Variants in FGF14 observed in about 807,000 individuals in gnomAD.
The protein encoded by FGF14 is fibroblast growth factor 14.
In FGF14, 5 loss-of-function variants were observed where a neutral mutation model predicts 25.5. The ratio of observed to expected loss-of-function variants is 0.20; its 90% confidence interval spans 0.10 to 0.41. FGF14 has a LOEUF of 0.41. FGF14 is among the 10% of genes least tolerant of loss of function. The pLI is 1.00. For synonymous variants in FGF14, 138 were observed against 118.3 expected (o/e 1.17, Z -1.08); for missense variants, 222 against 320.1 (o/e 0.69, Z 2.34).
chr13:102,171,517 A>C (rs1175798976), intron 1 of FGF14, among the ~76,000 whole-genome samples: 1 of 152,162 alleles, frequency 6.6e-6, no homozygotes, highest in Non-Finnish European at 1.5e-5. Flanking sequence ...AGAGACAAAA[A>C]GCCTATCTTT....
chr13:102,241,185 T>C (rs561927825), intron 1 of FGF14, among the ~76,000 whole-genome samples: 3 of 152,132 alleles, frequency 2.0e-5, no homozygotes, highest in Non-Finnish European at 4.4e-5. Flanking sequence ...AGGGGCACTC[T>C]TGTAGATTCT....
intron 3 of FGF14, among the ~76,000 whole-genome samples, chr13:101,796,990 G>A (rs916388938): frequency 9.2e-5 from 14 of 151,970 alleles, no homozygotes; most frequent in African/African-American, 3.4e-4. Flanking sequence ...CTGTGGTGCA[G>A]GGCTTGGGGC....
intron 1 of FGF14, among the ~76,000 whole-genome samples, chr13:102,165,752 CATGT>C (rs2047977724): frequency 6.7e-6 from 1 of 150,300 alleles, no homozygotes; most frequent in Non-Finnish European, 1.5e-5. Context: ...CAACATGGCA[CATGT>C]ATACGTATGT....
At chr13:102,364,388 G>C (rs147373589) in intron 1 of FGF14, among the ~76,000 whole-genome samples, 1,973 of 152,302 alleles carry the variant, frequency 0.013, 17 homozygotes, top group Middle Eastern at 0.037. Flanking sequence ...ACTCAATTCA[G>C]CCTTAGAAGG....
At chr13:101,905,567 G>C (rs926923495) in intron 1 of FGF14, among the ~76,000 whole-genome samples, 2 of 152,110 alleles carry the variant, frequency 1.3e-5, no homozygotes, top group Admixed American at 6.6e-5. Flanking sequence ...TGGGGAGCTA[G>C]GGGAGGGATA....
chr13:102,089,931 C>G (rs1292522851), intron 1 of FGF14, among the ~76,000 whole-genome samples: 1 of 152,196 alleles, frequency 6.6e-6, no homozygotes, highest in Non-Finnish European at 1.5e-5. Flanking sequence ...TCTCTGGGAA[C>G]AACTGTCATT....
chr13:102,322,710 A>G lies in FGF14; in HGVS notation c.208+78761T>C, dbSNP rs544653221. Among the ~76,000 whole-genome samples the G allele has an allele frequency of 9.2e-5, 14 of 152,260 alleles. No individual in the cohort carries two copies. In the South Asian group the frequency reaches 2.7e-3, roughly 29 times the overall value. ...ACACAGGGCTGCATGGAACTTCTAG[A>G]ATTTCAGAGGATGAATACATTTGTA... is the stretch of plus-strand genomic sequence containing the variant. On this transcript the variant is annotated intron_variant, in intron 1 of 4. Transcript: ENST00000376131.
chr13:102,282,174 C>A lies in FGF14; in HGVS notation c.208+119297G>T, dbSNP rs140370991. Among the ~76,000 whole-genome samples the A allele has an allele frequency of 1.1e-3, 172 of 151,588 alleles. 2 individuals are homozygous for A. The highest frequency in any genetic ancestry group is 3.9e-3 in the African/African-American group (161 of 41,270). On this transcript the variant is annotated intron_variant, in intron 1 of 4. Transcript: ENST00000376131. ...CTCTGCCTCCTAAGTTCAAGAGATT[C>A]TCCTGCCTCAGCCTCCCGAGTAGCT...
chr13:102,401,454 A>G (rs1423950316), intron 1 of FGF14: 7 of 1,609,044 alleles, frequency 4.4e-6, no homozygotes, highest in South Asian at 3.3e-5. Flanking sequence ...ACATAACATG[A>G]TGCATGTTTC....
chr13:102,338,067 A>G (rs982255163), intron 1 of FGF14, among the ~76,000 whole-genome samples: 1 of 152,080 alleles, frequency 6.6e-6, no homozygotes, highest in Non-Finnish European at 1.5e-5. Context: ...GTTGAAAAAC[A>G]TGGTAATATT....
chr13:102,254,405 A>G (rs548963483), intron 1 of FGF14, among the ~76,000 whole-genome samples: 1 of 152,254 alleles, frequency 6.6e-6, no homozygotes, highest in Admixed American at 6.5e-5. Context: ...TCAGGGGCTG[A>G]ACCAAGATCC....
intron 1 of FGF14, among the ~76,000 whole-genome samples, chr13:102,377,226 T>C (rs2058062146): frequency 6.6e-6 from 1 of 152,100 alleles, no homozygotes; most frequent in East Asian, 1.9e-4. Context: ...GTGAGCAGAA[T>C]CACCAATAGC....
At chr13:101,835,455 G>A (rs1283548788) in intron 3 of FGF14, among the ~76,000 whole-genome samples, 2 of 151,952 alleles carry the variant, frequency 1.3e-5, no homozygotes, top group Non-Finnish European at 2.9e-5. Flanking sequence ...CGTTTGCAGT[G>A]TCTTGCTCTT....
intron 2 of FGF14, among the ~76,000 whole-genome samples, chr13:101,869,921 T>C (rs1176588383): frequency 6.6e-6 from 1 of 152,188 alleles, no homozygotes; most frequent in Non-Finnish European, 1.5e-5. Context: ...TTCCTCCTAA[T>C]AGGTTGAAGA....
At chr13:101,990,405 A>G (rs989011926) in intron 1 of FGF14, among the ~76,000 whole-genome samples, 14 of 151,172 alleles carry the variant, frequency 9.3e-5, no homozygotes, top group Admixed American at 9.2e-4. Flanking sequence ...GATTTTTAAC[A>G]ATTTTAAATA....
At chr13:102,201,063 T>A (rs1256807501) in intron 1 of FGF14, among the ~76,000 whole-genome samples, 1 of 123,652 alleles carries the variant, frequency 8.1e-6, no homozygotes, top group Non-Finnish European at 1.6e-5. Flanking sequence ...ATCGCGCCAC[T>A]GCACTCCAGC....
chr13:102,353,054 T>A (rs554838965), intron 1 of FGF14, among the ~76,000 whole-genome samples: 20 of 152,252 alleles, frequency 1.3e-4, no homozygotes, highest in African/African-American at 3.9e-4. Context: ...CCAAAATGCC[T>A]TGTCTATAAT....
intron 1 of FGF14, among the ~76,000 whole-genome samples, chr13:102,359,227 C>G (rs984750748): frequency 1.3e-5 from 2 of 152,048 alleles, no homozygotes; most frequent in African/African-American, 4.8e-5. Context: ...GGGCTTAATA[C>G]TTAGGTGATG....
chr13:101,777,733 G>A (rs1354141349), intron 3 of FGF14, among the ~76,000 whole-genome samples: 4 of 152,196 alleles, frequency 2.6e-5, no homozygotes, highest in East Asian at 3.9e-4. Context: ...ATGCCGAGGC[G>A]GGTGGATCAC....
Sources: allele counts gnomAD v4.1 joint callset (sites outside exome capture counted in the v4.1 genomes callset), GRCh38; gene constraint gnomAD v4.1.1; transcripts MANE v1.5; gene names NCBI Gene and HGNC (gene_info 2026-07-23, HGNC 2026-07-21).